The following ST18 variants were observed in gnomAD, a reference collection of about 807,000 sequenced individuals.
The protein encoded by ST18 is ST18 C2H2C-type zinc finger transcription factor, also known as suppression of tumorigenicity 18 protein.
Under a neutral mutation model 110.0 loss-of-function variants are expected in ST18, and 50 were observed. The observed-to-expected ratio is 0.45, with a 90% CI of 0.36 to 0.58. The LOEUF (loss-of-function observed/expected upper bound fraction) is 0.58. Ranked by LOEUF, ST18 falls within the 20% of genes least tolerant of loss-of-function variation. ST18 has a pLI of 0.00. For synonymous variants in ST18, 461 were observed against 452.4 expected (o/e 1.02, Z -0.24); for missense variants, 1,306 against 1,280.1 (o/e 1.02, Z -0.31).
chr8:52,228,090 T>C (rs965420871), intron 3 of ST18, among the ~76,000 whole-genome samples: 3 of 152,232 alleles, frequency 2.0e-5, no homozygotes, highest in African/African-American at 4.8e-5. Context: ...TTGATTGCTA[T>C]GCCAGTTAAG....
intron 2 of ST18, among the ~76,000 whole-genome samples, chr8:52,250,066 T>G (rs1212000477): frequency 6.6e-6 from 1 of 151,792 alleles, no homozygotes; most frequent in Admixed American, 6.6e-5. Flanking sequence ...TTAACTCCTA[T>G]GAAAAATGAA....
chr8:52,404,517 G>A (rs2141138389), intron 2 of ST18: 1 of 152,366 alleles, frequency 6.6e-6, no homozygotes, highest in Non-Finnish European at 1.5e-5. Flanking sequence ...AAAGAAGGAA[G>A]GAGGAAAAGA....
At chr8:52,152,565 G>C (rs1241770762) in intron 15 of ST18, among the ~76,000 whole-genome samples, 1 of 152,162 alleles carries the variant, frequency 6.6e-6, no homozygotes, top group African/African-American at 2.4e-5. Flanking sequence ...TGAGCTACCT[G>C]ATGCTACCTA....
rs1311221632 is a variant in ST18 at position 52,265,245 on chromosome 8, C to G, written c.-464-35168G>C. Among the ~76,000 whole-genome samples the G allele has an allele frequency of 3.3e-5, 5 of 152,274 alleles. No homozygotes were observed. In the South Asian group the frequency reaches 1.0e-3, roughly 32 times the overall value. ...TATATTTGAAAGAAAATAGGAAGAG[C>G]CTCCAGTGCAACAGGTGAACAATGG... On this transcript the variant is annotated intron_variant, in intron 2 of 25. Coordinates refer to ENST00000689386, the MANE Select transcript of ST18 (RefSeq NM_001352837.2).
intron 19 of ST18, among the ~76,000 whole-genome samples, chr8:52,134,241 T>C (rs1458072181): frequency 6.6e-6 from 1 of 152,108 alleles, no homozygotes; most frequent in Non-Finnish European, 1.5e-5. Flanking sequence ...CATCAATAAC[T>C]ACACCAACAA....
Position 52,112,116 on chromosome 8 carries a change from T to C in ST18, c.*1082A>G, listed in dbSNP as rs1409900599. ...AAGGTGCCAGTGTTTGAAGTAATCA[T>C]TCAGATTGGAGTAGCATTTTTTCAT... On this transcript the variant is annotated 3_prime_UTR_variant, in exon 26 of 26. Coordinates refer to ENST00000689386, the MANE Select transcript of ST18 (RefSeq NM_001352837.2). The C allele has an allele frequency of 6.6e-6, 1 of 152,634 alleles. No homozygotes were observed. The highest frequency in any genetic ancestry group is 1.5e-5 in the Non-Finnish European group (1 of 68,044). The allele number at this position is 152,634 out of a possible 1,614,324, so 9.5% of individuals were successfully genotyped here.
chr8:52,160,592 T>G (rs1305040267), intron 14 of ST18, among the ~76,000 whole-genome samples: 3 of 152,232 alleles, frequency 2.0e-5, no homozygotes, highest in African/African-American at 7.2e-5. Flanking sequence ...CTCTTTCCTT[T>G]GTGGAAGTTA....
intron 17 of ST18, among the ~76,000 whole-genome samples, chr8:52,137,993 C>T (rs1250727452): frequency 1.3e-5 from 2 of 149,288 alleles, no homozygotes; most frequent in South Asian, 2.1e-4. Flanking sequence ...CCCAGCTACT[C>T]GGAGGCTGAG....
intron 2 of ST18, among the ~76,000 whole-genome samples, chr8:52,378,997 CAT>C (rs1232266922): frequency 6.6e-6 from 1 of 152,060 alleles, no homozygotes; most frequent in Non-Finnish European, 1.5e-5. Flanking sequence ...TCTTGTATTC[CAT>C]ATATTGTACC....
intron 2 of ST18, among the ~76,000 whole-genome samples, chr8:52,240,237 G>A (rs886479915): frequency 9.2e-5 from 14 of 152,038 alleles, no homozygotes; most frequent in African/African-American, 3.4e-4. Context: ...TATAATTGAT[G>A]TATGATAATA....
At chr8:52,178,610 C>G (rs2067871745) in intron 9 of ST18, among the ~76,000 whole-genome samples, 1 of 60,100 alleles carries the variant, frequency 1.7e-5, no homozygotes, top group Non-Finnish European at 2.7e-5. Context: ...AAGTGAGACT[C>G]CATCAAAAAA....
At chr8:52,260,248 C>T (rs1432942774) in intron 2 of ST18, among the ~76,000 whole-genome samples, 1 of 151,992 alleles carries the variant, frequency 6.6e-6, no homozygotes, top group African/African-American at 2.4e-5. Context: ...TATACCTATA[C>T]CTATGCCTAC....
intron 2 of ST18, among the ~76,000 whole-genome samples, chr8:52,329,183 G>A (rs1330777655): frequency 6.6e-6 from 1 of 150,710 alleles, no homozygotes; most frequent in Non-Finnish European, 1.5e-5. Flanking sequence ...GTTTTTCTAT[G>A]TGTGTTTCTG....
intron 2 of ST18, among the ~76,000 whole-genome samples, chr8:52,356,596 G>A (rs563691853): frequency 6.6e-6 from 1 of 152,198 alleles, no homozygotes. Flanking sequence ...AAAAAGTATG[G>A]CCTATTCACA....
intron 2 of ST18, among the ~76,000 whole-genome samples, chr8:52,362,470 C>A (rs1826123386): frequency 6.6e-6 from 1 of 152,102 alleles, no homozygotes; most frequent in Admixed American, 6.6e-5. Flanking sequence ...CTTCTCTTTG[C>A]CTAGATTTTC....
intron 14 of ST18, among the ~76,000 whole-genome samples, chr8:52,159,439 C>G (rs1019093685): frequency 6.6e-6 from 1 of 152,158 alleles, no homozygotes; most frequent in African/African-American, 2.4e-5. Flanking sequence ...AAAAAACACA[C>G]TAGCAAAACC....
chr8:52,391,261 CTACCTAGTAGCAAGCAAAG>C (rs1412512033), intron 2 of ST18, among the ~76,000 whole-genome samples: 1 of 152,166 alleles, frequency 6.6e-6, no homozygotes, highest in African/African-American at 2.4e-5. Flanking sequence ...TCTTTGCTTG[CTACCTAGTAGCAAGCAAAG>C]CACTGTGCCA....
chr8:52,400,908 A>G (rs1425037370), intron 2 of ST18, among the ~76,000 whole-genome samples: 2 of 152,248 alleles, frequency 1.3e-5, no homozygotes, highest in East Asian at 3.9e-4. Flanking sequence ...ATGTACCTCT[A>G]CTGGCGAGTT....
At chr8:52,134,190 C>T (rs1014854275) in intron 19 of ST18, among the ~76,000 whole-genome samples, 43 of 152,176 alleles carry the variant, frequency 2.8e-4, no homozygotes, top group African/African-American at 9.7e-4. Flanking sequence ...CTGGTCTGTC[C>T]TGCTTCATGG....
Sources: allele counts gnomAD v4.1 joint callset (sites outside exome capture counted in the v4.1 genomes callset), GRCh38; gene constraint gnomAD v4.1.1; transcripts MANE v1.5; gene names NCBI Gene and HGNC (gene_info 2026-07-23, HGNC 2026-07-21).